Variants in ERICH1 observed in about 807,000 individuals in gnomAD.
The protein encoded by ERICH1 is glutamate-rich protein 1.
A neutral mutation model predicts 39.6 loss-of-function variants in ERICH1; 56 were observed. The ratio of observed to expected loss-of-function variants is 1.41; its 90% CI spans 1.14 to 1.77. ERICH1 has a LOEUF of 1.77. Among genes scored for constraint, ERICH1 ranks in the 40% most tolerant of loss-of-function variants. ERICH1 has a pLI of 0.00. For missense variants in ERICH1, 826 were observed against 575.4 expected (o/e 1.44, Z -4.45); for synonymous variants, 313 against 223.6 (o/e 1.40, Z -3.57).
At chr8:653,546 C>G (rs1002874155) in intron 3 of ERICH1, among the ~76,000 whole-genome samples, 1 of 152,188 alleles carries the variant, frequency 6.6e-6, no homozygotes, top group African/African-American at 2.4e-5. Context: ...TTTGTTCTGA[C>G]CACGAGGAAT....
At chr8:711,239 G>A (rs575990142) in intron 2 of ERICH1, among the ~76,000 whole-genome samples, 6 of 152,138 alleles carry the variant, frequency 3.9e-5, no homozygotes, top group African/African-American at 1.2e-4. Context: ...CCTTTGTCAG[G>A]TATGTCTTTT....
At chr8:618,385 T>G (rs1269346889) in intron 3 of ERICH1, among the ~76,000 whole-genome samples, 1 of 152,038 alleles carries the variant, frequency 6.6e-6, no homozygotes, top group Non-Finnish European at 1.5e-5. Flanking sequence ...GCCCTCTGAG[T>G]GCTTGGTGCT....
chr8:700,223 ACACGCGCACAGGCCCGCACAGGCCCGC>A lies in ERICH1; in HGVS notation c.170-7638_170-7612del, dbSNP rs1343244347. Among the ~76,000 whole-genome samples, 536 of 102,846 alleles carry A rather than the reference ACACGCGCACAGGCCCGCACAGGCCCGC, an allele frequency of 5.2e-3. 57 individuals are homozygous for A. The highest frequency in any genetic ancestry group is 6.2e-3 in the Admixed American group (65 of 10,418). 67.5% of individuals were successfully genotyped at this position (102,846 alleles called of 152,430 possible). A position where few individuals can be genotyped will look rare whatever the true frequency, so the allele number is the denominator to read the frequency against. ...GGCCGGCACAGGCGCACACACCCGC[ACACGCGCACAGGCCCGCACAGGCCCGC>A]ACACGCGCACAGGCCCGCACAGGCG... On this transcript the variant is annotated intron_variant, in intron 2 of 5. Transcript: ENST00000262109.
intron 3 of ERICH1, chr8:616,425 G>A (rs565289501): frequency 9.5e-6 from 4 of 422,844 alleles, no homozygotes; most frequent in South Asian, 3.4e-5. Context: ...ACCGAACCCC[G>A]CACACCCCAT....
At position 692,558 on chromosome 8, in the gene ERICH1, G is replaced by A; in HGVS notation, c.224C>T (p.Pro75Leu). The change falls in exon 3 of 6, where the codon CCT becomes CTT. Residue 75 changes from proline to leucine, a missense_variant. Coordinates refer to ENST00000262109, the MANE Select transcript of ERICH1 (RefSeq NM_207332.3). ...CGGCCAACAGGGGACGTAGCCCTCA[G>A]GAGGCCCGCTGGCAGTGTAGAGCCG... ...ARRLYTASGP[P>L]EGYVPCWPEP... The A allele has an allele frequency of 1.9e-6, 3 of 1,613,670 alleles. No individual in the cohort carries two copies. The highest frequency in any genetic ancestry group is 2.5e-6 in the Non-Finnish European group (3 of 1,179,824).
intron 3 of ERICH1, chr8:656,894 A>G (rs769271737): frequency 1.0e-6 from 1 of 954,724 alleles, no homozygotes; most frequent in Non-Finnish European, 1.2e-6. Context: ...ATTATGGATT[A>G]ATTCATTTAA....
At chr8:700,000 G>A (rs534109541) in intron 2 of ERICH1, among the ~76,000 whole-genome samples, 1 of 66,210 alleles carries the variant, frequency 1.5e-5, no homozygotes, top group South Asian at 4.9e-4. Flanking sequence ...GACCCTCACA[G>A]GCGCACAGAC....
chr8:729,272 C>T (rs1385201336), intron 1 of ERICH1, among the ~76,000 whole-genome samples: 2 of 152,206 alleles, frequency 1.3e-5, no homozygotes, highest in Admixed American at 6.5e-5. Context: ...TGGCACCTGC[C>T]TCCTCTCCCA....
intron 1 of ERICH1, among the ~76,000 whole-genome samples, chr8:721,553 C>T (rs1370340228): frequency 6.6e-6 from 1 of 152,204 alleles, no homozygotes; most frequent in Admixed American, 6.5e-5. Context: ...TGTTTATTTA[C>T]ACAGAAATAA....
chr8:658,921 G>A (rs1801028295), intron 3 of ERICH1, among the ~76,000 whole-genome samples: 1 of 152,194 alleles, frequency 6.6e-6, no homozygotes, highest in Admixed American at 6.5e-5. Context: ...GCGACCCAGG[G>A]GCCCTTACCA....
chr8:668,782 T>A lies in ERICH1; in HGVS notation c.1074A>T (p.Arg358Ser), dbSNP rs1802695782. 9.3e-6 allele frequency: 15 copies of A among 1,605,644 alleles called. No individual in the cohort carries two copies. Among genetic ancestry groups the A allele is most frequent in the Non-Finnish European group, 1.3e-5 (15 of 1,175,670 alleles). The change falls in exon 5 of 6, where the codon AGA (arginine) becomes AGT (serine). Residue 358 changes from arginine to serine, a missense_variant. Transcript: ENST00000262109. ...CTGCGAGGGCAGCTGAAGCTGCATC[T>A]CTGGAGACACCTACATAAAGTCAGT... The part of the protein sequence containing the change: ...QEMYFYDGVS[R>S]DAASAALADA...
chr8:683,334 C>T (rs1315351377), intron 3 of ERICH1, among the ~76,000 whole-genome samples: 1 of 152,196 alleles, frequency 6.6e-6, no homozygotes, highest in Non-Finnish European at 1.5e-5. Flanking sequence ...ATAAAGGTAG[C>T]TCACATGGCT....
rs765508922 is a variant in ERICH1 at position 673,887 on chromosome 8, G to A, written c.465C>T (p.Thr155=). ...TCCTTTTTTTATTTTTGCTTATTGT[G>A]GTGCCATCTGTGTGCTGTCGCTGAG... is the stretch of plus-strand genomic sequence containing the variant. The part of the protein sequence containing the change: ...EKSQRQHTDG[T]TISKNKKRKL... Residue 155 remains threonine, a synonymous_variant, in exon 4 of 6, where the codon ACC becomes ACT. Coordinates refer to ENST00000262109, the MANE Select transcript of ERICH1 (RefSeq NM_207332.3). The A allele has an allele frequency of 8.7e-6, 14 of 1,613,328 alleles. No individual in the cohort carries two copies. The Admixed American group carries it at 2.3e-4, about 27-fold the overall frequency.
At chr8:676,748 G>A (rs528722390) in intron 3 of ERICH1, among the ~76,000 whole-genome samples, 2 of 152,326 alleles carry the variant, frequency 1.3e-5, no homozygotes, top group Admixed American at 1.3e-4. Context: ...GCTCCCGGGT[G>A]TTGCCCGAGC....
chr8:718,822 C>G (rs1478584178), intron 1 of ERICH1, among the ~76,000 whole-genome samples: 1 of 152,226 alleles, frequency 6.6e-6, no homozygotes, highest in Non-Finnish European at 1.5e-5. Context: ...TGCAATTCCC[C>G]TGCACGCCTG....
At chr8:660,497 G>A (rs1801262301), downstream of ERICH1, among the ~76,000 whole-genome samples, 2 of 152,172 alleles carry the variant, frequency 1.3e-5, no homozygotes, top group Non-Finnish European at 2.9e-5. Flanking sequence ...TCTGTCCTGC[G>A]GCCACACGAA....
chr8:618,501 T>C (rs1203920691), intron 3 of ERICH1, among the ~76,000 whole-genome samples: 2 of 152,206 alleles, frequency 1.3e-5, no homozygotes, highest in African/African-American at 4.8e-5. Context: ...CCCGGAGCAG[T>C]GCATGGCATA....
intron 3 of ERICH1, chr8:616,655 G>C (rs1356301155): frequency 1.3e-5 from 6 of 453,508 alleles, no homozygotes; most frequent in Admixed American, 2.4e-5. Context: ...AGACAGACGG[G>C]GGCGCGGGGG....
downstream of ERICH1, among the ~76,000 whole-genome samples, chr8:662,508 T>G (rs1223806604): frequency 6.6e-6 from 1 of 151,930 alleles, no homozygotes; most frequent in African/African-American, 2.4e-5. Flanking sequence ...ATTAGTCATG[T>G]GTGGTGGCAT....
Sources: gnomAD v4.1 joint callset for allele counts (sites outside exome capture counted in the v4.1 genomes callset) on GRCh38, gnomAD v4.1.1 for gene constraint, MANE v1.5 for transcripts, NCBI Gene and HGNC (gene_info 2026-07-23, HGNC 2026-07-21) for gene names.